TMEM132B: variants seen among roughly 807,000 people sequenced by gnomAD.
TMEM132B encodes transmembrane protein 132B.
A neutral mutation model predicts 90.8 loss-of-function variants in TMEM132B; 18 were observed. That is an observed-to-expected ratio of 0.20 (90% confidence interval 0.14 to 0.29). The LOEUF (loss-of-function observed/expected upper bound fraction) is 0.29. Among genes scored for constraint, TMEM132B ranks in the 10% least tolerant of loss-of-function variants. The pLI, the probability that TMEM132B is intolerant of heterozygous loss-of-function variation, is 1.00. For missense variants in TMEM132B, 1,096 were observed against 1,326.8 expected (o/e 0.83, Z 2.70); for synonymous variants, 504 against 523.3 (o/e 0.96, Z 0.50).
chr12:125,273,896 T>G (rs1874916659), intron 1 of TMEM132B, among the ~76,000 whole-genome samples: 1 of 152,178 alleles, frequency 6.6e-6, no homozygotes, highest in Admixed American at 6.5e-5. Context: ...ACTTCTGACC[T>G]CAGGTGATCC....
Position 125,407,743 on chromosome 12 carries a change from G to A in TMEM132B, c.960-7788G>A, listed in dbSNP as rs1406029894. 1.3e-5 allele frequency among the ~76,000 whole-genome samples: 2 copies of A among 152,150 alleles called. No homozygotes were observed. Among genetic ancestry groups the A allele is most frequent in the Non-Finnish European group, 2.9e-5 (2 of 68,030 alleles). On this transcript the variant is annotated intron_variant, in intron 2 of 8. Transcript: ENST00000682704. The surrounding 1 kb of genome is among the most constrained non-coding windows in gnomAD (Gnocchi z 6.7). ...CCGCGGACACCTGGTGGAGGTCTGG[G>A]GGAGAAACGCCTCTGTGTGTCTGGG...
intron 2 of TMEM132B, among the ~76,000 whole-genome samples, chr12:125,388,574 T>G (rs1264325255): frequency 6.6e-6 from 1 of 152,186 alleles, no homozygotes; most frequent in Non-Finnish European, 1.5e-5. Flanking sequence ...CAGGAAATAC[T>G]CTAGGCCAGG....
chr12:125,399,479 G>A (rs1007960504), intron 2 of TMEM132B, among the ~76,000 whole-genome samples: 1 of 46,184 alleles, frequency 2.2e-5, no homozygotes, highest in Non-Finnish European at 4.5e-5. Flanking sequence ...GTGTGTGTGT[G>A]TGTATGTGTG....
intron 3 of TMEM132B, among the ~76,000 whole-genome samples, chr12:125,476,144 A>G (rs889757351): frequency 9.9e-5 from 15 of 152,224 alleles, no homozygotes; most frequent in African/African-American, 2.9e-4. Context: ...CCATTTTGGT[A>G]AGGAAAATTA....
At chr12:125,261,998 A>G (rs1320602519) in intron 1 of TMEM132B, among the ~76,000 whole-genome samples, 2 of 152,148 alleles carry the variant, frequency 1.3e-5, no homozygotes, top group South Asian at 2.1e-4. Flanking sequence ...TGCGCAGCTT[A>G]TATTTATTTT....
At position 125,206,922 on chromosome 12, in the gene TMEM132B, G is replaced by T. The variant is rs146412123; in HGVS notation, c.67+20056G>T. On this transcript the variant is annotated intron_variant, in intron 1 of 8. Coordinates refer to ENST00000682704, the MANE Select transcript of TMEM132B (RefSeq NM_001366854.1). ...ACAGTGGTGAAAATGCAATTGGCTC[G>T]TTCCTCCCATGCTTCTCGCAGAGGC... Among the ~76,000 whole-genome samples, 25 of 152,166 alleles carry T rather than the reference G, an allele frequency of 1.6e-4. 1 individual carries two copies. The highest frequency in any genetic ancestry group is 6.0e-4 in the African/African-American group (25 of 41,448).
At position 125,459,953 on chromosome 12, in the gene TMEM132B, C is replaced by T. The variant is rs146909481; in HGVS notation, c.1106+44276C>T. Among the ~76,000 whole-genome samples, 25 of 152,300 alleles carry T rather than the reference C, an allele frequency of 1.6e-4. No homozygotes were observed. The highest frequency in any genetic ancestry group is 1.1e-3 in the Admixed American group (17 of 15,300). ...CTCTCTTGCCTGCTGCCATGTAAGA[C>T]GTGCCTTTCACCTTCCACCATGATT... is the stretch of plus-strand genomic sequence containing the variant. On this transcript the variant is annotated intron_variant, in intron 3 of 8. Coordinates refer to ENST00000682704, the MANE Select transcript of TMEM132B (RefSeq NM_001366854.1). This position sits in a 1 kb window ranked among gnomAD's most constrained non-coding sequence, Gnocchi z 4.1.
chr12:125,323,292 C>T (rs751514039), intron 1 of TMEM132B, among the ~76,000 whole-genome samples: 13 of 152,182 alleles, frequency 8.5e-5, no homozygotes, highest in South Asian at 2.1e-4. Context: ...AAATATTAGC[C>T]GGGCGTGGTG....
intron 1 of TMEM132B, among the ~76,000 whole-genome samples, chr12:125,199,682 A>C (rs11834530): frequency 6.6e-6 from 1 of 152,214 alleles, no homozygotes; most frequent in East Asian, 1.9e-4. Context: ...AATCTGTTCC[A>C]TGAAGTACTT....
At chr12:125,380,589 G>T (rs1193234308) in intron 2 of TMEM132B, among the ~76,000 whole-genome samples, 1 of 152,196 alleles carries the variant, frequency 6.6e-6, no homozygotes, top group Non-Finnish European at 1.5e-5. Context: ...GCATGTGATT[G>T]GAGCATGGCA....
intron 1 of TMEM132B, among the ~76,000 whole-genome samples, chr12:125,267,550 G>A (rs1874724201): frequency 3.3e-5 from 5 of 152,118 alleles, no homozygotes; most frequent in Admixed American, 3.3e-4. Context: ...TTTTTGGTTT[G>A]TTCTTCTGAT....
At chr12:125,651,435 A>G (rs1886917289) in intron 7 of TMEM132B, among the ~76,000 whole-genome samples, 1 of 152,222 alleles carries the variant, frequency 6.6e-6, no homozygotes, top group Admixed American at 6.5e-5. Flanking sequence ...TAGTTAAATT[A>G]TTTTCTAGCC....
At chr12:125,507,442 G>A (rs979482498) in intron 3 of TMEM132B, among the ~76,000 whole-genome samples, 2 of 152,190 alleles carry the variant, frequency 1.3e-5, no homozygotes, top group Non-Finnish European at 2.9e-5. Flanking sequence ...CAAGGAAGGT[G>A]ATAGGGATCG....
intron 3 of TMEM132B, among the ~76,000 whole-genome samples, chr12:125,468,346 A>G (rs915472230): frequency 6.6e-6 from 1 of 152,176 alleles, no homozygotes; most frequent in African/African-American, 2.4e-5. Context: ...GTTTGGCTGT[A>G]TTTTCTGTCA....
chr12:125,635,251 C>T (rs1283434762), intron 5 of TMEM132B, among the ~76,000 whole-genome samples: 3 of 152,178 alleles, frequency 2.0e-5, no homozygotes, highest in South Asian at 2.1e-4. Flanking sequence ...CACATCAACC[C>T]GTCATCTACA....
rs1237037024 is a variant in TMEM132B, at chr12:125,406,043, G to A, written c.960-9488G>A. The stretch of plus-strand genomic sequence containing the variant: ...TTGCTTTTTTTTGGAATATTTATTA[G>A]TTCAGTTTCCTGAACTAATGAAGAA... On this transcript the variant is annotated intron_variant, in intron 2 of 8. Transcript: ENST00000682704. This position sits in a 1 kb window ranked among gnomAD's most constrained non-coding sequence, Gnocchi z 8.3. Among the ~76,000 whole-genome samples, 1 of 152,128 alleles carries A rather than the reference G, an allele frequency of 6.6e-6. No homozygotes were observed. Among genetic ancestry groups the A allele is most frequent in the Admixed American group, 6.5e-5 (1 of 15,272 alleles).
At chr12:125,559,993 C>T (rs76589193) in intron 4 of TMEM132B, among the ~76,000 whole-genome samples, 2,843 of 152,312 alleles carry the variant, frequency 0.019, 32 homozygotes, top group Non-Finnish European at 0.03. Context: ...CCAGCGCTGC[C>T]AGCCTCTCTG....
At chr12:125,401,196 C>T (rs1234824696) in intron 2 of TMEM132B, among the ~76,000 whole-genome samples, 1 of 152,190 alleles carries the variant, frequency 6.6e-6, no homozygotes, top group Non-Finnish European at 1.5e-5. Context: ...AGACGGATGA[C>T]ACCTTAGATA....
rs1413470013 is a variant in TMEM132B, at chr12:125,277,343, G to A, written c.68-72109G>A. Among the ~76,000 whole-genome samples the A allele has an allele frequency of 3.9e-5, 6 of 152,090 alleles. No homozygotes were observed. The highest frequency in any genetic ancestry group is 1.4e-4 in the African/African-American group (6 of 41,416). The stretch of plus-strand genomic sequence containing the variant: ...AAAATACAAAAATTAGCTGGGCGTG[G>A]TGGTGGGCTCCTGTAATCCCAGCTA... On this transcript the variant is annotated intron_variant, in intron 1 of 8. Coordinates refer to ENST00000682704, the MANE Select transcript of TMEM132B (RefSeq NM_001366854.1). The surrounding 1 kb of genome is among the most constrained non-coding windows in gnomAD (Gnocchi z 4.3).
Sources: allele counts gnomAD v4.1 joint callset (sites outside exome capture counted in the v4.1 genomes callset), GRCh38; gene constraint gnomAD v4.1.1; non-coding constraint Gnocchi (gnomAD v3.1); transcripts MANE v1.5; gene names NCBI Gene and HGNC (gene_info 2026-07-23, HGNC 2026-07-21).